LASP1: variants seen among roughly 807,000 people sequenced by gnomAD.
The protein encoded by LASP1 is LIM and SH3 domain protein 1.
A neutral mutation model predicts 38.6 loss-of-function variants in LASP1; 10 were observed. The ratio of observed to expected loss-of-function variants is 0.26; its 90% CI spans 0.16 to 0.44. The LOEUF (loss-of-function observed/expected upper bound fraction) is 0.44, where lower values mean the gene tolerates loss of function less well. Among genes scored for constraint, LASP1 ranks in the 20% least tolerant of loss-of-function variants. LASP1 has a pLI of 1.00. For missense variants in LASP1, 243 were observed against 375.7 expected (o/e 0.65, Z 2.92); for synonymous variants, 132 against 140.8 (o/e 0.94, Z 0.44).
intron 4 of LASP1, chr17:38,904,088 A>T (rs1047416394): frequency 6.6e-6 from 1 of 152,344 alleles, no homozygotes; most frequent in South Asian, 2.1e-4. Context: ...AATATGACAC[A>T]TAGTAACATA....
chr17:38,890,114 A>C, intron 2 of LASP1: 1 of 331,112 alleles, frequency 3.0e-6, no homozygotes, highest in East Asian at 5.8e-5. Context: ...ATTATCCCCA[A>C]ACAAGGGTAA....
At chr17:38,887,595 T>G (rs1280388737) in intron 2 of LASP1, among the ~76,000 whole-genome samples, 5 of 152,152 alleles carry the variant, frequency 3.3e-5, no homozygotes, top group Admixed American at 1.3e-4. Flanking sequence ...CTGGAGGAAC[T>G]GCGAGTCTGG....
intron 1 of LASP1, among the ~76,000 whole-genome samples, chr17:38,875,790 C>A (rs374103199): frequency 5.9e-5 from 9 of 152,194 alleles, no homozygotes; most frequent in African/African-American, 2.2e-4. Context: ...AAGCACCTCT[C>A]CCTCCGGGGG....
chr17:38,906,046 C>T (rs571885917), intron 4 of LASP1, among the ~76,000 whole-genome samples: 11 of 152,114 alleles, frequency 7.2e-5, no homozygotes, highest in South Asian at 4.2e-4. Flanking sequence ...GGTGACAGAG[C>T]GAGACCCTGT....
intron 3 of LASP1, among the ~76,000 whole-genome samples, chr17:38,890,943 G>C (rs1032360384): frequency 6.6e-6 from 1 of 152,204 alleles, no homozygotes; most frequent in Non-Finnish European, 1.5e-5. Flanking sequence ...AGGTGTGAAG[G>C]GGGCCCTGCC....
intron 2 of LASP1, among the ~76,000 whole-genome samples, chr17:38,883,826 T>G (rs1463902308): frequency 6.6e-6 from 1 of 150,650 alleles, no homozygotes; most frequent in Non-Finnish European, 1.5e-5. Flanking sequence ...TCTTTTTGAC[T>G]GCTCTTTTTT....
chr17:38,911,680 C>T (rs765984633), intron 4 of LASP1, among the ~76,000 whole-genome samples: 4 of 152,154 alleles, frequency 2.6e-5, no homozygotes, highest in South Asian at 2.1e-4. Context: ...TGGGGTTGGG[C>T]GTGGTCAGTC....
In LASP1 at chr17:38,870,353, C is replaced by G. The variant is rs896068788; in HGVS notation, c.69+95C>G. ...GGCCGGGTCTTTGCCGCCTTATCCCCGCGATCCCAGGAGAATGGAGGGAGG... is the reference window on the plus strand; with the variant it reads ...GGCCGGGTCTTTGCCGCCTTATCCCGGCGATCCCAGGAGAATGGAGGGAGG... On this transcript the variant is annotated intron_variant, in intron 1 of 6. Transcript: ENST00000318008. 5.1e-6 allele frequency: 7 copies of G among 1,385,526 alleles called. No homozygotes were observed. In the East Asian group the frequency reaches 7.3e-5, roughly 14 times the overall value. 85.8% of individuals were successfully genotyped at this position (1,385,526 alleles called of 1,614,324 possible).
At chr17:38,875,056 C>CGTGTGTGTGTGTGTGT (rs3220064) in intron 1 of LASP1, among the ~76,000 whole-genome samples, 2,566 of 140,304 alleles carry the variant, frequency 0.018, 24 homozygotes, top group East Asian at 0.047. Flanking sequence ...TGTAGCCCTT[C>CGTGTGTGTGTGTGTGT]GTGTGTGTGT....
intron 1 of LASP1, among the ~76,000 whole-genome samples, chr17:38,876,878 T>C (rs1288695732): frequency 6.6e-6 from 1 of 152,108 alleles, no homozygotes; most frequent in Non-Finnish European, 1.5e-5. Flanking sequence ...AATTTTTTTG[T>C]CTTTTTAGTA....
intron 3 of LASP1, chr17:38,897,123 T>C (rs1914511265): frequency 1.0e-6 from 1 of 964,994 alleles, no homozygotes; most frequent in African/African-American, 1.8e-5. Flanking sequence ...CTGCATTCAC[T>C]TCTGAACTAA....
At position 38,898,515 on chromosome 17, in the gene LASP1, G is replaced by A. The variant is rs1914551461; in HGVS notation, c.353G>A (p.Ser118Asn). The change falls in exon 4 of 7, where the codon AGT (serine) becomes AAT (asparagine). Residue 118 changes from serine to asparagine, a missense_variant. Ser to Asn is a conservative substitution (Grantham distance 46). Transcript: ENST00000318008. ...QRIKKTQDQISNIKYHEEFEK... is the reference protein window; with the variant it reads ...QRIKKTQDQINNIKYHEEFEK... ...ATCAAGAAGACCCAGGACCAGATCA[G>A]TAACGTGAGCTCTTGCCCTGCCCTG... The A allele has an allele frequency of 6.5e-7, 1 of 1,548,752 alleles. No homozygotes were observed. Among genetic ancestry groups the A allele is most frequent in the African/African-American group, 1.4e-5 (1 of 73,032 alleles).
At chr17:38,901,087 T>G (rs1386919862) in intron 4 of LASP1, among the ~76,000 whole-genome samples, 2 of 152,232 alleles carry the variant, frequency 1.3e-5, no homozygotes, top group Non-Finnish European at 2.9e-5. Context: ...CTTTTATCAG[T>G]GACACTTGCT....
rs566079687 is a variant in LASP1, at chr17:38,881,700, G to C, written c.164+3520G>C. ...GGCCAAGCCCAGTGCAGGACCCGTAGGGGCACGTGGTTTCTTCTGGCACTT... is the reference window on the plus strand; with the variant it reads ...GGCCAAGCCCAGTGCAGGACCCGTACGGGCACGTGGTTTCTTCTGGCACTT... On this transcript the variant is annotated intron_variant, in intron 2 of 6. Transcript: ENST00000318008. Among the ~76,000 whole-genome samples, 33 of 152,338 alleles carry C rather than the reference G, an allele frequency of 2.2e-4. No individual in the cohort carries two copies. The South Asian group carries it at 6.4e-3, about 30-fold the overall frequency.
intron 4 of LASP1, among the ~76,000 whole-genome samples, chr17:38,913,254 G>A (rs1415270774): frequency 6.6e-6 from 1 of 152,210 alleles, no homozygotes; most frequent in African/African-American, 2.4e-5. Context: ...CGCCTAGTGG[G>A]GTGGTCCTGA....
intron 4 of LASP1, among the ~76,000 whole-genome samples, chr17:38,902,105 G>A (rs770060302): frequency 2.0e-5 from 3 of 151,318 alleles, no homozygotes; most frequent in African/African-American, 4.9e-5. Flanking sequence ...TCCGTCATCC[G>A]GGCTGGAGTG....
chr17:38,912,000 G>A (rs1914964946), intron 4 of LASP1, among the ~76,000 whole-genome samples: 1 of 152,166 alleles, frequency 6.6e-6, no homozygotes, highest in Admixed American at 6.5e-5. Flanking sequence ...CACCAAGTTG[G>A]CCAGGCTGGT....
Position 38,877,978 on chromosome 17 carries a change from A to C in LASP1, c.70-108A>C, listed in dbSNP as rs562265022. 16 of 771,856 alleles carry C rather than the reference A, an allele frequency of 2.1e-5. No individual in the cohort carries two copies. The South Asian group carries it at 2.6e-4, about 13-fold the overall frequency. 47.8% of individuals were successfully genotyped at this position (771,856 alleles called of 1,614,324 possible). A position where few individuals can be genotyped will look rare whatever the true frequency, so the allele number is the denominator to read the frequency against. On this transcript the variant is annotated intron_variant, in intron 1 of 6. Coordinates refer to ENST00000318008, the MANE Select transcript of LASP1 (RefSeq NM_006148.4). ...ATGATTCCATGTTCTCCCCACAGCC[A>C]TGGGCCTAGGACAGTCCCAGCAGCT...
intron 3 of LASP1, among the ~76,000 whole-genome samples, chr17:38,894,288 A>AT (rs1362550678): frequency 1.3e-5 from 2 of 151,890 alleles, no homozygotes; most frequent in Admixed American, 6.5e-5. Context: ...CTGTTCTTCC[A>AT]TTTTTTCCTT....
Sources: gnomAD v4.1 joint callset for allele counts (sites outside exome capture counted in the v4.1 genomes callset) on GRCh38, gnomAD v4.1.1 for gene constraint, MANE v1.5 for transcripts, NCBI Gene and HGNC (gene_info 2026-07-23, HGNC 2026-07-21) for gene names.